The following ADGRA3 variants were observed in gnomAD, a reference collection of about 807,000 sequenced individuals.
The protein encoded by ADGRA3 is G-protein coupled receptor 125.
Under a neutral mutation model 119.8 loss-of-function variants are expected in ADGRA3, and 56 were observed. The observed-to-expected ratio is 0.47, with a 90% CI of 0.38 to 0.58. The LOEUF (loss-of-function observed/expected upper bound fraction) is 0.58, where lower values mean the gene tolerates loss of function less well. Among genes scored for constraint, ADGRA3 ranks in the 20% least tolerant of loss-of-function variants. The pLI, the probability that ADGRA3 is intolerant of heterozygous loss-of-function variation, is 0.00. For synonymous variants in ADGRA3, 607 were observed against 623.8 expected, an observed-to-expected ratio of 0.97 and a Z score of 0.40; for missense variants, 1,516 against 1,649.0, an observed-to-expected ratio of 0.92 and a Z score of 1.40.
intron 10 of ADGRA3, among the ~76,000 whole-genome samples, chr4:22,427,418 G>T (rs964911018): frequency 4.0e-5 from 6 of 151,762 alleles, no homozygotes; most frequent in Non-Finnish European, 7.4e-5. Context: ...GCTATGCCCT[G>T]CTAGATAATG....
At chr4:22,496,073 A>G (rs1158799568) in intron 1 of ADGRA3, among the ~76,000 whole-genome samples, 1 of 152,234 alleles carries the variant, frequency 6.6e-6, no homozygotes, top group Non-Finnish European at 1.5e-5. Context: ...TAATGTAAGT[A>G]TATACATCAC....
chr4:22,481,158 C>T (rs1718248326), intron 1 of ADGRA3, among the ~76,000 whole-genome samples: 1 of 152,118 alleles, frequency 6.6e-6, no homozygotes. Flanking sequence ...ATTGCTACAA[C>T]ATTGTTTATC....
rs1182421444 is a variant in ADGRA3 at position 22,413,680 on chromosome 4, T to C, written c.1944A>G (p.Pro648=). 1.9e-6 allele frequency: 3 copies of C among 1,613,918 alleles called. No homozygotes were observed. The highest frequency in any genetic ancestry group is 2.5e-6 in the Non-Finnish European group (3 of 1,179,948). ...LIAFRNGKLF[P]ATGNSTNLAD... Reference sequence around the variant, plus strand: ...CCAAATTTGTTGAATTTCCAGTGGCTGGAAAAAGCTTTCCATTGCGGAATG... The same window carrying C: ...CCAAATTTGTTGAATTTCCAGTGGCCGGAAAAAGCTTTCCATTGCGGAATG... Residue 648 remains proline (P), a synonymous_variant, in exon 13 of 19, where the codon CCA becomes CCG. Coordinates refer to ENST00000334304, the MANE Select transcript of ADGRA3 (RefSeq NM_145290.4).
chr4:22,492,335 T>C (rs1718651496), intron 1 of ADGRA3, among the ~76,000 whole-genome samples: 1 of 152,204 alleles, frequency 6.6e-6, no homozygotes. Flanking sequence ...GTTGGAACTT[T>C]TAATAGTTTG....
chr4:22,507,134 G>A (rs2109181446), intron 1 of ADGRA3, among the ~76,000 whole-genome samples: 1 of 152,188 alleles, frequency 6.6e-6, no homozygotes, highest in South Asian at 2.1e-4. Context: ...CAGCTACTCA[G>A]GAGGCTGAAG....
intron 17 of ADGRA3, among the ~76,000 whole-genome samples, chr4:22,390,005 C>T (rs1026208629): frequency 6.6e-5 from 10 of 151,918 alleles, no homozygotes; most frequent in Non-Finnish European, 1.2e-4. Context: ...CTTCCTTGTA[C>T]CTAGTTACTA....
At chr4:22,514,318 C>A (rs1719563059) in intron 1 of ADGRA3, 1 of 151,512 alleles carries the variant, frequency 6.6e-6, no homozygotes, top group African/African-American at 2.4e-5. Context: ...GTAACGGAGT[C>A]AAATAAAACA....
chr4:22,432,722 T>A (rs569274578), intron 10 of ADGRA3, among the ~76,000 whole-genome samples: 4 of 152,254 alleles, frequency 2.6e-5, no homozygotes, highest in African/African-American at 9.6e-5. Context: ...CCTTTAACTG[T>A]TTTTAAAAGG....
chr4:22,497,390 C>T (rs1202978942), intron 1 of ADGRA3, among the ~76,000 whole-genome samples: 1 of 151,980 alleles, frequency 6.6e-6, no homozygotes, highest in African/African-American at 2.4e-5. Context: ...GACATGACAC[C>T]CTGCAGGTTC....
chr4:22,505,297 G>A (rs1248695485), intron 1 of ADGRA3, among the ~76,000 whole-genome samples: 1 of 152,152 alleles, frequency 6.6e-6, no homozygotes, highest in Non-Finnish European at 1.5e-5. Context: ...CAGTCCCTTT[G>A]GCAAGGTTGT....
rs1204619274 is a variant in ADGRA3, at chr4:22,387,612, A to G, written c.*93T>C. 4.9e-6 allele frequency: 6 copies of G among 1,221,402 alleles called. No individual in the cohort carries two copies. The highest frequency in any genetic ancestry group is 6.8e-6 in the Non-Finnish European group (6 of 885,218). 75.7% of individuals were successfully genotyped at this position (1,221,402 alleles called of 1,614,324 possible). ...TTATTCCAAATTCTTTTGAATCCCTATGGTGGCTGTAAACAGTTTTTAAAT... is the reference window on the plus strand; with the variant it reads ...TTATTCCAAATTCTTTTGAATCCCTGTGGTGGCTGTAAACAGTTTTTAAAT... On this transcript the variant is annotated 3_prime_UTR_variant, in exon 19 of 19. Transcript: ENST00000334304.
intron 7 of ADGRA3, among the ~76,000 whole-genome samples, chr4:22,441,097 AG>A (rs1302031263): frequency 6.6e-6 from 1 of 152,152 alleles, no homozygotes; most frequent in African/African-American, 2.4e-5. Flanking sequence ...GGAAGTAACT[AG>A]ATTTTTTTTT....
chr4:22,390,212 CTCTG>C (rs1176192864), intron 17 of ADGRA3, among the ~76,000 whole-genome samples: 2 of 151,328 alleles, frequency 1.3e-5, no homozygotes, highest in East Asian at 3.9e-4. Context: ...CTATCACCCT[CTCTG>C]TCTTCTTTCA....
chr4:22,414,756 C>G, intron 12 of ADGRA3: 1 of 559,348 alleles, frequency 1.8e-6, no homozygotes, highest in Non-Finnish European at 3.1e-6. Flanking sequence ...TATAGCACAA[C>G]CTAAAACACA....
At chr4:22,422,195 A>T (rs1715731423) in intron 11 of ADGRA3, among the ~76,000 whole-genome samples, 1 of 152,198 alleles carries the variant, frequency 6.6e-6, no homozygotes, top group Admixed American at 6.5e-5. Flanking sequence ...AGGATGATTA[A>T]GTATATGCCT....
chr4:22,440,550 C>G (rs865907761), intron 7 of ADGRA3, among the ~76,000 whole-genome samples: 1 of 151,878 alleles, frequency 6.6e-6, no homozygotes, highest in African/African-American at 2.4e-5. Context: ...CATGTCCCTA[C>G]CAAAAAAAAT....
intron 2 of ADGRA3, among the ~76,000 whole-genome samples, chr4:22,469,097 T>C (rs1467673824): frequency 6.6e-6 from 1 of 152,074 alleles, no homozygotes; most frequent in Admixed American, 6.5e-5. Flanking sequence ...GAAGGGCCTA[T>C]GTACTCTTCC....
chr4:22,487,426 T>G (rs1718468577), intron 1 of ADGRA3, among the ~76,000 whole-genome samples: 1 of 152,066 alleles, frequency 6.6e-6, no homozygotes, highest in South Asian at 2.1e-4. Flanking sequence ...CTGTGAGAAT[T>G]CTTAACGCTC....
intron 10 of ADGRA3, among the ~76,000 whole-genome samples, chr4:22,426,445 G>A (rs747641773): frequency 6.6e-6 from 1 of 152,092 alleles, no homozygotes; most frequent in African/African-American, 2.4e-5. Flanking sequence ...CCATGTATCC[G>A]ATATGTATCA....
Sources: gnomAD v4.1 joint callset for allele counts (sites outside exome capture counted in the v4.1 genomes callset) on GRCh38, gnomAD v4.1.1 for gene constraint, MANE v1.5 for transcripts, NCBI Gene and HGNC (gene_info 2026-07-23, HGNC 2026-07-21) for gene names.